The following MYH7B variants were observed in gnomAD, a reference collection of about 807,000 sequenced individuals.
MYH7B encodes the protein myosin heavy chain 7B.
In MYH7B, 205 loss-of-function variants were observed where a neutral mutation model predicts 234.5. The ratio of observed to expected loss-of-function variants is 0.87; its 90% CI spans 0.78 to 0.98. The LOEUF is 0.98. MYH7B is among the 50% of genes least tolerant of loss of function. The pLI is 0.00. For synonymous variants in MYH7B, 1,193 were observed against 1,105.0 expected (o/e 1.08, Z -1.58); for missense variants, 2,652 against 2,633.4 (o/e 1.01, Z -0.15).
intron 12 of MYH7B, 48 bp downstream of exon 12, chr20:34,984,994 G>T: frequency 1.2e-6 from 2 of 1,607,698 alleles, no homozygotes. Flanking sequence ...TAGGCCACCA[G>T]CGGCAGGTCG....
In MYH7B at chr20:34,995,332, C is replaced by G. The variant is rs1007938977; in HGVS notation, c.2701-4C>G. ...AACCTGGCCCCGTTCCGTGTGCCCT[C>G]CAGGAGCAGGACAACCTGGCAGATG... On this transcript the variant is annotated splice_polypyrimidine_tract_variant and splice_region_variant and intron_variant, in intron 27 of 44. Coordinates refer to ENST00000262873, the Ensembl canonical transcript of MYH7B. The G allele has an allele frequency of 6.2e-7, 1 of 1,611,580 alleles. No individual in the cohort carries two copies. The highest frequency in any genetic ancestry group is 1.3e-5 in the African/African-American group (1 of 74,908).
At chr20:34,960,526 CA>C (rs2081686237) in intron 2 of MYH7B, among the ~76,000 whole-genome samples, 1 of 152,252 alleles carries the variant, frequency 6.6e-6, no homozygotes, top group Non-Finnish European at 1.5e-5. Context: ...GGAGCCACCG[CA>C]CCCAGCCACT....
In MYH7B at chr20:34,968,810, ACGTAG is replaced by A. The variant is rs536597774; in HGVS notation, c.-221-6584_-221-6580del. On this transcript the variant is annotated intron_variant, in intron 2 of 44. Coordinates refer to ENST00000262873, the Ensembl canonical transcript of MYH7B. ...CAGCCTACCTAAGTATGCACAGCGC[ACGTAG>A]CGTAGAGGATGGAGCCCGCAGGACA... 4.3e-4 allele frequency among the ~76,000 whole-genome samples: 66 copies of A among 152,308 alleles called. 1 individual carries two copies. In the East Asian group the frequency reaches 0.01, roughly 24 times the overall value.
At position 34,998,517 on chromosome 20, in the gene MYH7B, T is replaced by A. The variant is rs1384319059; in HGVS notation, c.3881T>A (p.Leu1294Gln). 6 of 1,613,416 alleles carry A rather than the reference T, an allele frequency of 3.7e-6. No individual in the cohort carries two copies. In the Admixed American group the frequency reaches 1.0e-4, roughly 27 times the overall value. Residue 1294 changes from leucine (L) to glutamine (Q), a missense_variant, in exon 34 of 45, where the codon CTG becomes CAG. By Grantham distance (113) the Leu-to-Gln change is moderately radical. Coordinates refer to ENST00000262873, the Ensembl canonical transcript of MYH7B. ...CTCGCCTCTTTGCCTGCAGGGGAGC[T>A]GAGTCGCCTGCTAGAGGAGAAGGAG... is the stretch of plus-strand genomic sequence containing the variant.
rs1043899248 is a variant in MYH7B, at chr20:34,980,511, C to T, written c.343-67C>T. On this transcript the variant is annotated intron_variant, in intron 7 of 44. Transcript: ENST00000262873. ...CGAGATCATGCCGTTGTACTCCAGC[C>T]TGGGAGACAGAGCAAGACTCCATCT... 1.3e-5 allele frequency: 18 copies of T among 1,404,416 alleles called. No homozygotes were observed. In the African/African-American group the frequency reaches 2.5e-4, roughly 20 times the overall value. 87.0% of individuals were successfully genotyped at this position (1,404,416 alleles called of 1,614,324 possible). A position where few individuals can be genotyped will look rare whatever the true frequency, so the allele number is the denominator to read the frequency against.
At chr20:34,987,172 C>T (rs371389262) in exon 16 of MYH7B, 1 of 1,613,322 alleles carries the variant, frequency 6.2e-7, no homozygotes, top group Non-Finnish European at 8.5e-7. Flanking sequence ...TCCTAGGCTT[C>T]AGCGTGGATG....
Position 34,995,135 on chromosome 20 carries a change from C to T in MYH7B, c.2701-201C>T, listed in dbSNP as rs540799884. 1.3e-5 allele frequency among the ~76,000 whole-genome samples: 2 copies of T among 152,384 alleles called. 1 individual carries two copies. Among genetic ancestry groups the T allele is most frequent in the South Asian group, 4.1e-4 (2 of 4,830 alleles). ...ACTCTGGGCCGCCCCGCACTTCTAA[C>T]TTTCCCCTCTTAATGCTCTGGTGTG... On this transcript the variant is annotated intron_variant, in intron 27 of 44. Coordinates refer to ENST00000262873, the Ensembl canonical transcript of MYH7B.
exon 45 of MYH7B, chr20:35,002,210 A>G: frequency 1.3e-6 from 2 of 1,514,466 alleles, no homozygotes; most frequent in Non-Finnish European, 1.8e-6. Context: ...CCTGGGCTCT[A>G]AAGAGGAATG....
chr20:34,990,452 C>A (rs150018420), intron 22 of MYH7B, 142 bp downstream of exon 22: 1 of 988,120 alleles, frequency 1.0e-6, no homozygotes, highest in Non-Finnish European at 1.6e-6. Context: ...GTGAACATCA[C>A]AGCAAGTCTG....
intron 32 of MYH7B, 113 bp downstream of exon 32, chr20:34,997,753 A>G: frequency 7.9e-7 from 1 of 1,270,626 alleles, no homozygotes; most frequent in East Asian, 2.6e-5. Context: ...CTGAGCCCTG[A>G]CCTCTTCACC....
intron 2 of MYH7B, among the ~76,000 whole-genome samples, chr20:34,967,964 C>T (rs2081758523): frequency 6.6e-6 from 1 of 152,240 alleles, no homozygotes; most frequent in South Asian, 2.1e-4. Context: ...TCAAATTCCA[C>T]CTACAGAGTG....
At chr20:34,975,007 A>C (rs1240709229) in intron 2 of MYH7B, among the ~76,000 whole-genome samples, 1 of 152,234 alleles carries the variant, frequency 6.6e-6, no homozygotes, top group Non-Finnish European at 1.5e-5. Flanking sequence ...AGGAATACAT[A>C]ATGTAGGATT....
rs778270256 is a variant in MYH7B at position 34,984,675 on chromosome 20, C to T, written c.625-17C>T. 6 of 1,574,970 alleles carry T rather than the reference C, an allele frequency of 3.8e-6. No individual in the cohort carries two copies. Among genetic ancestry groups the T allele is most frequent in the South Asian group, 2.2e-5 (2 of 89,234 alleles). On this transcript the variant is annotated splice_polypyrimidine_tract_variant and intron_variant, in intron 10 of 44. Transcript: ENST00000262873. ...CGGAGGCCTGGCCCTCTAATGTTGT[C>T]TGTCTTCTTCCCCCAGCAATTTCTG...
chr20:34,980,246 TC>T, intron 7 of MYH7B: 2 of 336,444 alleles, frequency 5.9e-6, no homozygotes, highest in Non-Finnish European at 1.1e-5. Context: ...TGCGTATCCC[TC>T]CCAAAACCCT....
exon 25 of MYH7B, chr20:34,993,152 G>A (rs778929320): frequency 6.2e-7 from 1 of 1,613,998 alleles, no homozygotes; most frequent in Admixed American, 1.7e-5. Context: ...TTCATGGACA[G>A]CAGGAAGGCC....
At chr20:34,963,007 A>G (rs1481334623) in intron 2 of MYH7B, among the ~76,000 whole-genome samples, 1 of 152,248 alleles carries the variant, frequency 6.6e-6, no homozygotes, top group African/African-American at 2.4e-5. Context: ...GCTGAGGCAG[A>G]GAATCGCTTG....
chr20:34,985,799 A>G (rs1258445198), intron 13 of MYH7B, among the ~76,000 whole-genome samples: 1 of 152,014 alleles, frequency 6.6e-6, no homozygotes, highest in African/African-American at 2.4e-5. Flanking sequence ...TCGGCCACAC[A>G]CGCACACACG....
intron 14 of MYH7B, among the ~76,000 whole-genome samples, 188 bp from the exon 15 acceptor site, chr20:34,986,698 C>CA (rs2082030619): frequency 6.6e-6 from 1 of 152,194 alleles, no homozygotes. Context: ...CCTTCACTCT[C>CA]AGTGCCCTCA....
chr20:34,985,887 C>T (rs1322457727), intron 13 of MYH7B, among the ~76,000 whole-genome samples: 1 of 152,162 alleles, frequency 6.6e-6, no homozygotes, highest in Non-Finnish European at 1.5e-5. Flanking sequence ...ACACACTGAC[C>T]CATCTGGCCA....
Sources: allele counts gnomAD v4.1 joint callset (sites outside exome capture counted in the v4.1 genomes callset), GRCh38; gene constraint gnomAD v4.1.1; transcripts MANE v1.5; gene names NCBI Gene and HGNC (gene_info 2026-07-23, HGNC 2026-07-21).